Variants in STOX2 observed in about 807,000 individuals in gnomAD.
STOX2 encodes storkhead box 2.
In STOX2, 28 loss-of-function variants were observed where a neutral mutation model predicts 60.9. That is an observed-to-expected ratio of 0.46 (90% CI 0.34 to 0.63). The LOEUF is 0.63. Among genes scored for constraint, STOX2 ranks in the 30% least tolerant of loss-of-function variants. STOX2 has a pLI of 0.01. For synonymous variants in STOX2, 472 were observed against 463.9 expected (o/e 1.02, Z -0.22); for missense variants, 1,024 against 1,187.7 (o/e 0.86, Z 2.03).
At chr4:183,878,481 G>A (rs1488916600) in intron 1 of STOX2, among the ~76,000 whole-genome samples, 2 of 152,118 alleles carry the variant, frequency 1.3e-5, no homozygotes, top group African/African-American at 4.8e-5. Context: ...GTCGTTTTCT[G>A]GGTTTAATCC....
At chr4:183,841,618 C>T (rs550362055) in intron 1 of STOX2, among the ~76,000 whole-genome samples, 14 of 152,200 alleles carry the variant, frequency 9.2e-5, no homozygotes, top group Non-Finnish European at 1.2e-4. Flanking sequence ...TTGTAAGTTG[C>T]CTTGCTCACT....
At chr4:183,977,452 C>T (rs941659171) in intron 1 of STOX2, among the ~76,000 whole-genome samples, 16 of 152,022 alleles carry the variant, frequency 1.1e-4, no homozygotes, top group African/African-American at 3.9e-4. Context: ...AGTAATTTCA[C>T]TTAGGATAAG....
chr4:183,929,577 T>A (rs1466304645), intron 1 of STOX2, among the ~76,000 whole-genome samples: 1 of 152,228 alleles, frequency 6.6e-6, no homozygotes, highest in Non-Finnish European at 1.5e-5. Flanking sequence ...TCTCTGGCCA[T>A]GGATCACACT....
rs1224084914 is a variant in STOX2, at chr4:184,017,723, TAAAAAAA to T, written c.*445_*451del. On this transcript the variant is annotated 3_prime_UTR_variant, in exon 4 of 4. Coordinates refer to ENST00000308497, the MANE Select transcript of STOX2 (RefSeq NM_020225.3). ...AAAACAAAACAAAACAAAAAAAATT[TAAAAAAA>T]AAAAACAAAAAACAAAACTAAGCTA... 6.9e-6 allele frequency: 1 copy of T among 144,126 alleles called. No homozygotes were observed. Among genetic ancestry groups the T allele is most frequent in the Non-Finnish European group, 1.5e-5 (1 of 66,796 alleles). 8.9% of individuals were successfully genotyped at this position (144,126 alleles called of 1,614,324 possible). A position where few individuals can be genotyped will look rare whatever the true frequency, so the allele number is the denominator to read the frequency against.
chr4:183,953,235 C>CT (rs777889968), intron 1 of STOX2, among the ~76,000 whole-genome samples: 9 of 151,438 alleles, frequency 5.9e-5, no homozygotes, highest in Non-Finnish European at 7.4e-5. Context: ...TACCACAAAA[C>CT]TTTTTTTTTA....
chr4:183,848,950 G>A (rs773215357), intron 1 of STOX2, among the ~76,000 whole-genome samples: 2 of 152,172 alleles, frequency 1.3e-5, no homozygotes, highest in Non-Finnish European at 2.9e-5. Flanking sequence ...CTCTTGCCTC[G>A]TGGGAGTTTA....
At chr4:184,015,394 T>C (rs3811778) in intron 3 of STOX2, 78,337 of 152,090 alleles carry the variant, frequency 0.52, 23,323 homozygotes, top group Non-Finnish European at 0.69. Context: ...TTGGAGTGTC[T>C]TTTAGGTATG....
chr4:183,976,729 C>T (rs1359288244), intron 1 of STOX2, among the ~76,000 whole-genome samples: 1 of 152,164 alleles, frequency 6.6e-6, no homozygotes, highest in Non-Finnish European at 1.5e-5. Context: ...AAAAAGAAAC[C>T]TGTAGCTAAC....
intron 1 of STOX2, among the ~76,000 whole-genome samples, chr4:183,924,784 C>G (rs564549837): frequency 1.3e-5 from 2 of 152,032 alleles, no homozygotes; most frequent in African/African-American, 4.8e-5. Flanking sequence ...CCATGCCTGG[C>G]GGTGCCTGTC....
At chr4:183,859,121 A>G (rs1740371091) in intron 1 of STOX2, among the ~76,000 whole-genome samples, 1 of 152,166 alleles carries the variant, frequency 6.6e-6, no homozygotes, top group African/African-American at 2.4e-5. Flanking sequence ...GGTGGCTGTC[A>G]TAGGCTACAC....
intron 1 of STOX2, among the ~76,000 whole-genome samples, chr4:183,928,680 G>A (rs1342172291): frequency 6.6e-6 from 1 of 152,106 alleles, no homozygotes; most frequent in East Asian, 1.9e-4. Flanking sequence ...ATCTCCACGG[G>A]CCTGTTCTCA....
chr4:183,832,793 A>T (rs1290593267), intron 1 of STOX2, among the ~76,000 whole-genome samples: 3 of 148,018 alleles, frequency 2.0e-5, no homozygotes, highest in Non-Finnish European at 2.9e-5. Context: ...CCCAGCCTAT[A>T]ACTGGCTCTT....
chr4:183,945,260 A>AT (rs1203078618), intron 1 of STOX2, among the ~76,000 whole-genome samples: 1 of 152,216 alleles, frequency 6.6e-6, no homozygotes, highest in East Asian at 1.9e-4. Flanking sequence ...ACGTAGGAGA[A>AT]TTTCAGTTGC....
intron 1 of STOX2, among the ~76,000 whole-genome samples, chr4:183,944,289 A>G (rs1399851802): frequency 6.6e-6 from 1 of 152,212 alleles, no homozygotes; most frequent in Non-Finnish European, 1.5e-5. Flanking sequence ...TACTTTTAGC[A>G]CCACTGCTTA....
intron 1 of STOX2, among the ~76,000 whole-genome samples, chr4:183,964,240 C>G (rs572541478): frequency 1.3e-5 from 2 of 152,286 alleles, no homozygotes; most frequent in Non-Finnish European, 2.9e-5. Flanking sequence ...CGATGGGGTG[C>G]TGATTAATAT....
chr4:183,860,849 C>T (rs1017167701), intron 1 of STOX2, among the ~76,000 whole-genome samples: 1 of 152,196 alleles, frequency 6.6e-6, no homozygotes, highest in African/African-American at 2.4e-5. Context: ...GCAAACGATT[C>T]CATTTCCATC....
chr4:183,834,160 C>T (rs1228143485), intron 1 of STOX2, among the ~76,000 whole-genome samples: 1 of 152,104 alleles, frequency 6.6e-6, no homozygotes, highest in Non-Finnish European at 1.5e-5. Context: ...GAGGAGCATT[C>T]CATCAGCAGT....
At chr4:183,817,679 C>A (rs1295558882) in intron 1 of STOX2, among the ~76,000 whole-genome samples, 2 of 152,190 alleles carry the variant, frequency 1.3e-5, no homozygotes, top group Admixed American at 1.3e-4. Flanking sequence ...GAAGTTACAT[C>A]TCATCCAGTT....
At chr4:184,004,395 C>T (rs137983055) in intron 2 of STOX2, among the ~76,000 whole-genome samples, 2,102 of 152,104 alleles carry the variant, frequency 0.014, 34 homozygotes, top group Middle Eastern at 0.048. Flanking sequence ...GTCAAGAGAT[C>T]GAGACCATCC....
Sources: gnomAD v4.1 joint callset for allele counts (sites outside exome capture counted in the v4.1 genomes callset) on GRCh38, gnomAD v4.1.1 for gene constraint, MANE v1.5 for transcripts, NCBI Gene and HGNC (gene_info 2026-07-23, HGNC 2026-07-21) for gene names.